Variants in ARSJ observed in about 807,000 individuals in gnomAD.
ARSJ encodes arylsulfatase J.
ARSJ carries 26 observed loss-of-function variants against 35.9 expected under a neutral mutation model. The observed-to-expected ratio is 0.72, with a 90% confidence interval of 0.53 to 1.00. The LOEUF (loss-of-function observed/expected upper bound fraction) is 1.00. ARSJ is among the 50% of genes least tolerant of loss of function. The pLI is 0.00. For synonymous variants in ARSJ, 294 were observed against 267.6 expected (o/e 1.10, Z -0.96); for missense variants, 667 against 723.6 (o/e 0.92, Z 0.90).
In ARSJ at chr4:113,978,664, G is replaced by T; in HGVS notation, c.171C>A (p.Ala57=). 1 of 1,614,226 alleles carries T rather than the reference G, an allele frequency of 6.2e-7. No homozygotes were observed. Among genetic ancestry groups the T allele is most frequent in the Non-Finnish European group, 8.5e-7 (1 of 1,180,024 alleles). ...GTTTCTCTCCAGCTTGAGCTAGTAA[G>T]GCCCCTTCTTCCTCCTCTTCTAAGG... The part of the protein sequence containing the change: ...GQALEEEEEG[A]LLAQAGEKLE... Residue 57 remains alanine, a synonymous_variant, in exon 1 of 2, where the codon GCC becomes GCA. Transcript: ENST00000315366.
At chr4:113,913,957 C>A (rs2149254004) in intron 1 of ARSJ, among the ~76,000 whole-genome samples, 1 of 151,886 alleles carries the variant, frequency 6.6e-6, no homozygotes, top group East Asian at 1.9e-4. Flanking sequence ...AATTTAAAAT[C>A]CTTTCATTTT....
rs1273660323 is a variant in ARSJ at position 113,902,994 on chromosome 4, A to G, written c.1080T>C (p.His360=). 6.2e-7 allele frequency: 1 copy of G among 1,614,146 alleles called. No homozygotes were observed. The highest frequency in any genetic ancestry group is 1.1e-5 in the South Asian group (1 of 91,084). ...TTCCCTTGTTTTTCAGAAGTGGGCT[A>G]TGCACAAAGCCTACAGCCCGGATCC... The part of the protein sequence containing the change: ...EGGIRAVGFV[H]SPLLKNKGTV... The change falls in exon 2 of 2, where the codon CAT becomes CAC. Residue 360 remains histidine (H), a synonymous_variant. Transcript: ENST00000315366.
chr4:113,977,781 G>A lies in ARSJ; in HGVS notation c.398+656C>T, dbSNP rs146845896. Among the ~76,000 whole-genome samples the A allele has an allele frequency of 2.8e-3, 432 of 152,304 alleles. 5 individuals are homozygous for A. Among genetic ancestry groups the A allele is most frequent in the African/African-American group, 9.6e-3 (401 of 41,562 alleles). ...TCTGTTGGTTAGTCAGAAAATTCCA[G>A]ACCTGTGAAGAGCAACAGAAAACTG... On this transcript the variant is annotated intron_variant, in intron 1 of 1. Coordinates refer to ENST00000315366, the MANE Select transcript of ARSJ (RefSeq NM_024590.4).
intron 1 of ARSJ, among the ~76,000 whole-genome samples, chr4:113,950,800 G>C (rs1004785167): frequency 1.3e-5 from 2 of 151,854 alleles, no homozygotes; most frequent in African/African-American, 4.8e-5. Context: ...TGATTATACC[G>C]TGACTAGGCA....
intron 1 of ARSJ, among the ~76,000 whole-genome samples, chr4:113,952,353 C>T (rs1252265174): frequency 6.6e-6 from 1 of 152,084 alleles, no homozygotes; most frequent in African/African-American, 2.4e-5. Context: ...AATCAGGGAA[C>T]CACAGTCAAC....
rs75955672 is a variant in ARSJ at position 113,978,902 on chromosome 4, T to C, written c.-68A>G. 7.7e-3 allele frequency: 11,474 copies of C among 1,483,564 alleles called. 641 individuals are homozygous for C. In the East Asian group the frequency reaches 0.13, roughly 17 times the overall value. The allele number at this position is 1,483,564 out of a possible 1,614,324, so 91.9% of individuals were successfully genotyped here. A position where few individuals can be genotyped will look rare whatever the true frequency, so the allele number is the denominator to read the frequency against. On this transcript the variant is annotated 5_prime_UTR_variant, in exon 1 of 2. The change abolishes an upstream ATG in the 5' untranslated region. Transcript: ENST00000315366. ...CCCCGCGCCGCTGCGGGCGCACACA[T>C]GCACCCAACAGACGGTGAAGACTCT...
At chr4:113,918,200 G>A (rs1196178162) in intron 1 of ARSJ, among the ~76,000 whole-genome samples, 5 of 152,042 alleles carry the variant, frequency 3.3e-5, no homozygotes, top group Non-Finnish European at 5.9e-5. Context: ...ATATATCCAC[G>A]AGGCTGAATT....
In ARSJ at chr4:113,903,299, T is replaced by C. The variant is rs1309030595; in HGVS notation, c.775A>G (p.Ile259Val). Reference protein sequence around the residue: ...ILASHNPTKPIFLYIAYQAVH... With the variant: ...ILASHNPTKPVFLYIAYQAVH... ...GCTTGATAGGCAATATATAAAAATA[T>C]AGGCTTTGTGGGGTTATGGGAAGCT... The change falls in exon 2 of 2, where the codon ATA (isoleucine) becomes GTA (valine). Residue 259 changes from isoleucine (I) to valine (V), a missense_variant. Physicochemically the swap from Ile to Val is conservative, Grantham distance 29. Coordinates refer to ENST00000315366, the MANE Select transcript of ARSJ (RefSeq NM_024590.4). 7 of 1,614,170 alleles carry C rather than the reference T, an allele frequency of 4.3e-6. No homozygotes were observed. The highest frequency in any genetic ancestry group is 5.1e-6 in the Non-Finnish European group (6 of 1,180,032).
At chr4:113,907,367 G>C (rs753993891) in intron 1 of ARSJ, among the ~76,000 whole-genome samples, 14 of 152,134 alleles carry the variant, frequency 9.2e-5, no homozygotes, top group Non-Finnish European at 1.5e-4. Context: ...TTTTTAAAAA[G>C]GATCAGCATT....
rs1202633462 is a variant in ARSJ, at chr4:113,903,471, C to A, written c.603G>T (p.Leu201Phe). 1.9e-6 allele frequency: 3 copies of A among 1,614,136 alleles called. No homozygotes were observed. The highest frequency in any genetic ancestry group is 2.5e-6 in the Non-Finnish European group (3 of 1,180,022). ...RGFDTFFGSL[L>F]GSGDYYTHYK... ...AGTGTGTATAGTAATCCCCACTTCCCAAAAGGGAACCAAAAAAGGTATCAA... is the reference window on the plus strand; with the variant it reads ...AGTGTGTATAGTAATCCCCACTTCCAAAAAGGGAACCAAAAAAGGTATCAA... Residue 201 changes from leucine (L) to phenylalanine (F), a missense_variant, in exon 2 of 2, where the codon TTG (leucine) becomes TTT (phenylalanine). By Grantham distance (22) the Leu-to-Phe change is conservative. Transcript: ENST00000315366.
intron 1 of ARSJ, among the ~76,000 whole-genome samples, chr4:113,929,059 A>G (rs1724260849): frequency 6.6e-6 from 1 of 152,116 alleles, no homozygotes. Flanking sequence ...CAGAGTCCCT[A>G]CTTAGTGGGC....
intron 1 of ARSJ, among the ~76,000 whole-genome samples, chr4:113,919,283 C>T (rs9995239): frequency 0.71 from 107,398 of 151,624 alleles, 38,826 homozygotes; most frequent in East Asian, 0.81. Context: ...TCCTAGAAAT[C>T]GAAACCAGTC....
At chr4:113,970,791 C>CA (rs994764031) in intron 1 of ARSJ, 9 of 151,932 alleles carry the variant, frequency 5.9e-5, no homozygotes, top group African/African-American at 2.2e-4. Context: ...CCTGTCTCTA[C>CA]AAAAAACGCA....
rs554241228 is a variant in ARSJ at position 113,906,748 on chromosome 4, G to T, written c.399-3073C>A. On this transcript the variant is annotated intron_variant, in intron 1 of 1. Transcript: ENST00000315366. ...CCTCTGATCCTCAGTTTCCTCATCT[G>T]TAAAATAGGGATAATAATACATATT... The T allele has an allele frequency of 4.1e-4, 189 of 456,108 alleles. 1 individual carries two copies. Among genetic ancestry groups the T allele is most frequent in the South Asian group, 1.7e-3 (112 of 64,540 alleles). 28.3% of individuals were successfully genotyped at this position (456,108 alleles called of 1,614,324 possible).
chr4:113,926,116 G>T (rs1222950122), intron 1 of ARSJ, among the ~76,000 whole-genome samples: 1 of 152,154 alleles, frequency 6.6e-6, no homozygotes, highest in African/African-American at 2.4e-5. Flanking sequence ...CTCTGCTGAG[G>T]TCACCTATTG....
In ARSJ at chr4:113,979,119, A is replaced by G; in HGVS notation, c.-285T>C. The G allele has an allele frequency of 3.1e-6, 1 of 319,478 alleles. No individual in the cohort carries two copies. The highest frequency in any genetic ancestry group is 5.8e-6 in the Non-Finnish European group (1 of 173,780). The allele number at this position is 319,478 out of a possible 1,614,324, so 19.8% of individuals were successfully genotyped here. A position where few individuals can be genotyped will look rare whatever the true frequency, so the allele number is the denominator to read the frequency against. On this transcript the variant is annotated 5_prime_UTR_variant, in exon 1 of 2. Coordinates refer to ENST00000315366, the MANE Select transcript of ARSJ (RefSeq NM_024590.4). Reference sequence around the variant, plus strand: ...TTCCACCAAGGAAAAAAAAAAGAAAAAAGTTAATATCTCCACCCAAAAGTT... The same window carrying G: ...TTCCACCAAGGAAAAAAAAAAGAAAGAAGTTAATATCTCCACCCAAAAGTT...
chr4:113,917,769 T>C (rs1383133112), intron 1 of ARSJ, among the ~76,000 whole-genome samples: 1 of 152,170 alleles, frequency 6.6e-6, no homozygotes, highest in Non-Finnish European at 1.5e-5. Flanking sequence ...TTATATTAGG[T>C]TTATTTTACT....
chr4:113,972,293 GAAAAAAAAAAAAAC>G (rs1351416093), intron 1 of ARSJ, among the ~76,000 whole-genome samples: 9 of 61,642 alleles, frequency 1.5e-4, no homozygotes, highest in African/African-American at 4.0e-4. Context: ...AGATGATCTG[GAAAAAAAAAAAAAC>G]AAAAAAAAAA....
intron 1 of ARSJ, among the ~76,000 whole-genome samples, chr4:113,945,485 G>A (rs549906318): frequency 5.3e-5 from 8 of 152,194 alleles, no homozygotes; most frequent in South Asian, 4.1e-4. Flanking sequence ...TGACACAAGA[G>A]AGGACAGAAG....
Sources: gnomAD v4.1 joint callset for allele counts (sites outside exome capture counted in the v4.1 genomes callset) on GRCh38, gnomAD v4.1.1 for gene constraint, MANE v1.5 for transcripts, NCBI Gene and HGNC (gene_info 2026-07-23, HGNC 2026-07-21) for gene names.